The following UCP1 variants were observed in gnomAD, a reference collection of about 807,000 sequenced individuals.
UCP1 encodes uncoupling protein 1.
Under a neutral mutation model 26.2 loss-of-function variants are expected in UCP1, and 24 were observed. The ratio of observed to expected loss-of-function variants is 0.92; its 90% CI spans 0.66 to 1.29. UCP1 has a LOEUF of 1.29. UCP1 is among the 50% of genes most tolerant of loss of function. UCP1 has a pLI of 0.00. For synonymous variants in UCP1, 164 were observed against 156.8 expected (o/e 1.05, Z -0.34); for missense variants, 402 against 388.7 (o/e 1.03, Z -0.29).
intron 5 of UCP1, among the ~76,000 whole-genome samples, chr4:140,560,606 C>T (rs1245056711): frequency 6.6e-6 from 1 of 152,122 alleles, no homozygotes; most frequent in Non-Finnish European, 1.5e-5. Context: ...TCAATCTTGA[C>T]GATTCTTGTC....
intron 2 of UCP1, among the ~76,000 whole-genome samples, 163 bp downstream of exon 2, chr4:140,567,616 T>G (rs896258544): frequency 6.6e-6 from 1 of 152,208 alleles, no homozygotes; most frequent in African/African-American, 2.4e-5. Flanking sequence ...TTTTGCATAC[T>G]TTTTTCTATG....
intron 2 of UCP1, among the ~76,000 whole-genome samples, chr4:140,566,646 A>C (rs1375720444): frequency 6.6e-6 from 1 of 152,166 alleles, no homozygotes; most frequent in Non-Finnish European, 1.5e-5. Context: ...ATAGTATTGA[A>C]GGTTACTCAC....
At position 140,562,179 on chromosome 4, in the gene UCP1, A is replaced by G; in HGVS notation, c.809+14T>C. 6.2e-7 allele frequency: 1 copy of G among 1,614,108 alleles called. No homozygotes were observed. Among genetic ancestry groups the G allele is most frequent in the South Asian group, 1.1e-5 (1 of 91,084 alleles). Reference sequence around the variant, plus strand: ...AGCCAGAACACATTACAGATACACAAGATCATATCTTACCCCTTGAAGAAA... The same window carrying G: ...AGCCAGAACACATTACAGATACACAGGATCATATCTTACCCCTTGAAGAAA... On this transcript the variant is annotated intron_variant, in intron 5 of 5. Coordinates refer to ENST00000262999, the MANE Select transcript of UCP1 (RefSeq NM_021833.5).
chr4:140,560,039 A>G, intron 5 of UCP1, 29 bp from the exon 6 acceptor site: 1 of 1,577,706 alleles, frequency 6.3e-7, no homozygotes. Flanking sequence ...TCGTTCGATT[A>G]ATTTGTTTGA....
Position 140,559,877 on chromosome 4 carries a change from A to G in UCP1, c.*19T>C. 6.3e-7 allele frequency: 1 copy of G among 1,585,970 alleles called. No individual in the cohort carries two copies. On this transcript the variant is annotated 3_prime_UTR_variant, in exon 6 of 6. Transcript: ENST00000262999. ...AGCAAGATTCCCACTGGTATGTTAC[A>G]TCATTTTCTTGAAGCTGATTATGTG...
At chr4:140,562,408 C>A in intron 4 of UCP1, 35 bp from the exon 5 acceptor site, 3 of 1,609,656 alleles carry the variant, frequency 1.9e-6, no homozygotes, top group Non-Finnish European at 2.5e-6. Flanking sequence ...CAACATCAGA[C>A]TTTTGGGGGC....
chr4:140,567,313 G>A (rs1006213900), intron 2 of UCP1, among the ~76,000 whole-genome samples: 4 of 152,098 alleles, frequency 2.6e-5, no homozygotes, highest in African/African-American at 9.7e-5. Flanking sequence ...GGCTTTCTTT[G>A]CTTCAAACAG....
Position 140,559,974 on chromosome 4 carries a change from G to C in UCP1, c.846C>G (p.Asn282Lys). 1 of 1,613,822 alleles carries C rather than the reference G, an allele frequency of 6.2e-7. No individual in the cohort carries two copies. Among genetic ancestry groups the C allele is most frequent in the Non-Finnish European group, 8.5e-7 (1 of 1,179,938 alleles). ...VPSFLRLGSW[N>K]VIMFVCFEQL... ...GTTCAAAGCACACAAACATAATGACGTTCCAGGATCCAAGTCGCAAGAAGG... is the reference window on the plus strand; with the variant it reads ...GTTCAAAGCACACAAACATAATGACCTTCCAGGATCCAAGTCGCAAGAAGG... The change falls in exon 6 of 6, where the codon AAC becomes AAG. Residue 282 changes from asparagine to lysine, a missense_variant. By Grantham distance (94) the Asn-to-Lys change is moderately conservative. Transcript: ENST00000262999.
chr4:140,567,834 A>G lies in UCP1; in HGVS notation c.270T>C (p.Ser90=). 2 of 1,614,110 alleles carry G rather than the reference A, an allele frequency of 1.2e-6. No individual in the cohort carries two copies. Among genetic ancestry groups the G allele is most frequent in the Admixed American group, 1.7e-5 (1 of 60,020 alleles). The part of the protein sequence containing the change: ...AGLQRQISSA[S]LRIGLYDTVQ... ...CCGTGTCGTAGAGGCCGATCCTGAG[A>G]GAGGCGGAGCTGATTTGCCGCTGAA... Residue 90 remains serine (S), a synonymous_variant, in exon 2 of 6, where the codon TCT becomes TCC. Transcript: ENST00000262999.
rs558049733 is a variant in UCP1 at position 140,568,607 on chromosome 4, G to C, written c.123C>G (p.Leu41=). 3.4e-4 allele frequency: 550 copies of C among 1,613,636 alleles called. 6 individuals carry two copies. In the South Asian group the frequency reaches 5.8e-3, roughly 17 times the overall value. The change falls in exon 1 of 6, where the codon CTC becomes CTG. Residue 41 remains leucine (L), a synonymous_variant. Transcript: ENST00000262999. ...TCTTACCCCTCTGCCTAGCTACCTG[G>C]AGCCGGACTTTGGCCGTGTCCAGCG... is the stretch of plus-strand genomic sequence containing the variant. ...TFPLDTAKVR[L]QVQGECPTSS...
intron 5 of UCP1, among the ~76,000 whole-genome samples, chr4:140,561,949 G>A (rs1225878799): frequency 6.6e-6 from 1 of 152,190 alleles, no homozygotes; most frequent in Non-Finnish European, 1.5e-5. Flanking sequence ...ATTGGGACCA[G>A]TGGAAAAGGC....
rs1006160054 is a variant in UCP1, at chr4:140,567,764, A to C, written c.325+15T>G. The C allele has an allele frequency of 1.9e-6, 3 of 1,613,638 alleles. No homozygotes were observed. In the African/African-American group the frequency reaches 4.0e-5, roughly 22 times the overall value. On this transcript the variant is annotated intron_variant, in intron 2 of 5. Coordinates refer to ENST00000262999, the MANE Select transcript of UCP1 (RefSeq NM_021833.5). ...CAAGGCTTTTCTGCCCCTCCCAGGAACGCTCACGGCTTACTTTCTTTCCCT... is the reference window on the plus strand; with the variant it reads ...CAAGGCTTTTCTGCCCCTCCCAGGACCGCTCACGGCTTACTTTCTTTCCCT...
intron 2 of UCP1, among the ~76,000 whole-genome samples, chr4:140,564,175 C>G (rs1232711260): frequency 1.3e-5 from 2 of 152,166 alleles, no homozygotes; most frequent in Non-Finnish European, 2.9e-5. Context: ...ACCAATGAGG[C>G]TTGATCTTTC....
At chr4:140,568,076 G>C (rs1735843463) in intron 1 of UCP1, 99 bp from the exon 2 acceptor site, 9 of 1,267,146 alleles carry the variant, frequency 7.1e-6, no homozygotes, top group Non-Finnish European at 1.0e-5. Context: ...TCTTTTCTCA[G>C]CAACATTCCT....
chr4:140,560,173 C>T (rs1042702376), intron 5 of UCP1, among the ~76,000 whole-genome samples, 163 bp from the exon 6 acceptor site: 4 of 152,070 alleles, frequency 2.6e-5, no homozygotes, highest in Admixed American at 2.0e-4. Flanking sequence ...CCACCTGAGC[C>T]TCCTGGAGTA....
intron 2 of UCP1, among the ~76,000 whole-genome samples, chr4:140,565,351 T>G (rs1342235747): frequency 6.6e-6 from 1 of 152,196 alleles, no homozygotes; most frequent in Admixed American, 6.5e-5. Context: ...CTGATTGACA[T>G]CTCTTTTTCC....
intron 1 of UCP1, 67 bp from the exon 2 acceptor site, chr4:140,568,044 CCCT>C (rs1560846498): frequency 6.5e-7 from 1 of 1,543,702 alleles, no homozygotes; most frequent in African/African-American, 1.4e-5. Context: ...CAAGATTTCC[CCCT>C]GTGTTCCTAT....
At chr4:140,564,350 GA>G (rs1177107423) in intron 2 of UCP1, among the ~76,000 whole-genome samples, 2 of 151,830 alleles carry the variant, frequency 1.3e-5, no homozygotes, top group South Asian at 2.1e-4. Flanking sequence ...TTAAAATTTT[GA>G]AAAAAATAGC....
Position 140,559,865 on chromosome 4 carries a change from C to G in UCP1, c.*31G>C, listed in dbSNP as rs368568652. The G allele has an allele frequency of 6.5e-7, 1 of 1,533,326 alleles. No homozygotes were observed. Among genetic ancestry groups the G allele is most frequent in the Non-Finnish European group, 9.0e-7 (1 of 1,106,636 alleles). 95.0% of individuals were successfully genotyped at this position (1,533,326 alleles called of 1,614,324 possible). ...TATGATCCAGTCAGCAAGATTCCCA[C>G]TGGTATGTTACATCATTTTCTTGAA... On this transcript the variant is annotated 3_prime_UTR_variant, in exon 6 of 6. Coordinates refer to ENST00000262999, the MANE Select transcript of UCP1 (RefSeq NM_021833.5).
Sources: gnomAD v4.1 joint callset for allele counts (sites outside exome capture counted in the v4.1 genomes callset) on GRCh38, gnomAD v4.1.1 for gene constraint, MANE v1.5 for transcripts, NCBI Gene and HGNC (gene_info 2026-07-23, HGNC 2026-07-21) for gene names.